Variants in MRPS9 observed in about 807,000 individuals in gnomAD.
MRPS9 encodes small ribosomal subunit protein uS9m.
Under a neutral mutation model 59.9 loss-of-function variants are expected in MRPS9, and 45 were observed. The ratio of observed to expected loss-of-function variants is 0.75; its 90% CI spans 0.59 to 0.96. The LOEUF (loss-of-function observed/expected upper bound fraction) is 0.96. Among genes scored for constraint, MRPS9 ranks in the 40% least tolerant of loss-of-function variants. The pLI, the probability that MRPS9 is intolerant of heterozygous loss-of-function variation, is 0.00. For missense variants in MRPS9, 473 were observed against 481.1 expected (o/e 0.98, Z 0.16); for synonymous variants, 171 against 166.8 (o/e 1.03, Z -0.19).
chr2:105,060,119 A>G, intron 2 of MRPS9, among the ~76,000 whole-genome samples: 1 of 150,524 alleles, frequency 6.6e-6, no homozygotes, highest in African/African-American at 2.4e-5. Flanking sequence ...TTCCCCAACC[A>G]CATCTTTGCC....
chr2:105,066,421 T>G (rs56111578), intron 2 of MRPS9, among the ~76,000 whole-genome samples: 32,918 of 152,150 alleles, frequency 0.22, 3,630 homozygotes, highest in Middle Eastern at 0.34. Flanking sequence ...TTAAAAGAGA[T>G]ATTGCCTGTA....
intron 9 of MRPS9, 101 bp from the exon 10 acceptor site, chr2:105,097,054 A>G (rs1680676138): frequency 8.2e-7 from 1 of 1,225,736 alleles, no homozygotes; most frequent in Non-Finnish European, 1.1e-6. Context: ...TAACAGTGGC[A>G]TGCAGAATAT....
intron 2 of MRPS9, among the ~76,000 whole-genome samples, chr2:105,062,094 G>A (rs1679917636): frequency 6.6e-6 from 1 of 152,056 alleles, no homozygotes; most frequent in African/African-American, 2.4e-5. Flanking sequence ...GAAGGCTTTT[G>A]TAATATTACT....
intron 7 of MRPS9, chr2:105,092,128 T>C (rs1680570431): frequency 3.3e-6 from 1 of 304,986 alleles, no homozygotes; most frequent in Non-Finnish European, 6.0e-6. Flanking sequence ...TGAATTTAAA[T>C]CTCAATTTCA....
At position 105,093,636 on chromosome 2, in the gene MRPS9, C is replaced by G. The variant is rs1200709932; in HGVS notation, c.927C>G (p.Asp309Glu). 6.4e-6 allele frequency: 10 copies of G among 1,571,842 alleles called. No homozygotes were observed. The highest frequency in any genetic ancestry group is 8.7e-6 in the Non-Finnish European group (10 of 1,155,772). ...AGCTTTACTTCCCGATCACACAGGA[C>G]AGGTTCGTTTTGGGTTCTGATTTTT... ...DYQLYFPITQ[D>E]REQLMFPFHF... is the part of the protein sequence containing the mutation. Residue 309 changes from aspartate to glutamate, a missense_variant and splice_region_variant, in exon 9 of 11, where the codon GAC becomes GAG. By Grantham distance (45) the Asp-to-Glu change is conservative. Transcript: ENST00000258455.
At chr2:105,040,260 A>G (rs13419511) in intron 1 of MRPS9, among the ~76,000 whole-genome samples, 61,354 of 151,916 alleles carry the variant, frequency 0.4, 12,417 homozygotes, top group African/African-American at 0.42. Context: ...TTGGTAGCCC[A>G]TGTTTTATAA....
chr2:105,049,226 C>G lies in MRPS9; in HGVS notation c.191C>G (p.Ser64Ter). The change falls in exon 2 of 11, where the codon TCA becomes TGA. Residue 64 changes from serine to a stop codon, truncating the protein, a stop_gained. Coordinates refer to ENST00000258455, the MANE Select transcript of MRPS9 (RefSeq NM_182640.3). LOFTEE classifies it high-confidence loss of function. ...ATACCAAAGAAAAACGTTCCTACCT[C>G]AAAACGTGAAACTTACACAGAGGAT... The part of the protein sequence containing the change: ...FVIPKKNVPT[S>*]KRETYTEDFI... 1 of 1,613,118 alleles carries G rather than the reference C, an allele frequency of 6.2e-7. No homozygotes were observed. The highest frequency in any genetic ancestry group is 8.5e-7 in the Non-Finnish European group (1 of 1,179,658).
intron 2 of MRPS9, among the ~76,000 whole-genome samples, chr2:105,065,977 T>C (rs1437185850): frequency 6.6e-6 from 1 of 152,100 alleles, no homozygotes; most frequent in Non-Finnish European, 1.5e-5. Context: ...GAAAAAAATC[T>C]GCATAGAATG....
intron 2 of MRPS9, among the ~76,000 whole-genome samples, chr2:105,066,622 C>T (rs1232078725): frequency 6.6e-5 from 10 of 152,074 alleles, no homozygotes; most frequent in Middle Eastern, 3.4e-3. Flanking sequence ...GAAATGTTGC[C>T]GATGACAGCT....
chr2:105,086,839 C>T (rs373269095), intron 5 of MRPS9, among the ~76,000 whole-genome samples: 1 of 152,032 alleles, frequency 6.6e-6, no homozygotes, highest in Non-Finnish European at 1.5e-5. Flanking sequence ...TGTGGTCCAG[C>T]CTGCTGACAG....
At chr2:105,055,821 C>A (rs926753023) in intron 2 of MRPS9, among the ~76,000 whole-genome samples, 4 of 152,092 alleles carry the variant, frequency 2.6e-5, no homozygotes, top group Non-Finnish European at 5.9e-5. Context: ...GTCAGCATTT[C>A]CATGCTGCAA....
intron 4 of MRPS9, among the ~76,000 whole-genome samples, chr2:105,075,586 A>G (rs953653887): frequency 2.0e-5 from 3 of 152,190 alleles, no homozygotes; most frequent in Admixed American, 6.5e-5. Flanking sequence ...GGGTCACACA[A>G]TTATCAAATC....
chr2:105,062,393 C>T (rs1300301240), intron 2 of MRPS9, among the ~76,000 whole-genome samples: 2 of 152,188 alleles, frequency 1.3e-5, no homozygotes, highest in African/African-American at 4.8e-5. Flanking sequence ...TACTGAGTTA[C>T]CCGTCCAAGC....
chr2:105,096,291 A>G (rs1680657233), intron 9 of MRPS9, among the ~76,000 whole-genome samples: 1 of 152,180 alleles, frequency 6.6e-6, no homozygotes, highest in Non-Finnish European at 1.5e-5. Flanking sequence ...TCTAGAAGCT[A>G]CAGCATCAAA....
chr2:105,097,003 A>T (rs894493692), intron 9 of MRPS9, 152 bp from the exon 10 acceptor site: 1 of 698,858 alleles, frequency 1.4e-6, no homozygotes. Flanking sequence ...TAGTGTTTCT[A>T]TATCTTGGTA....
intron 7 of MRPS9, among the ~76,000 whole-genome samples, chr2:105,090,620 C>A (rs1020097288): frequency 2.6e-5 from 4 of 152,184 alleles, no homozygotes; most frequent in Non-Finnish European, 5.9e-5. Context: ...AAGTTTGTGA[C>A]CCCCTGCTTT....
At chr2:105,042,964 A>C (rs1679526868) in intron 1 of MRPS9, among the ~76,000 whole-genome samples, 1 of 146,880 alleles carries the variant, frequency 6.8e-6, no homozygotes, top group Admixed American at 6.9e-5. Context: ...CTCCCCTCCC[A>C]CCCCCCAGAG....
chr2:105,048,172 TA>T (rs1182249364), intron 1 of MRPS9, among the ~76,000 whole-genome samples: 20 of 152,022 alleles, frequency 1.3e-4, no homozygotes, highest in East Asian at 1.9e-4. Flanking sequence ...TATGCAGCCA[TA>T]AAAAAATGAT....
intron 10 of MRPS9, among the ~76,000 whole-genome samples, chr2:105,097,952 C>T (rs1026911511): frequency 2.0e-5 from 3 of 152,186 alleles, no homozygotes; most frequent in African/African-American, 7.2e-5. Flanking sequence ...CTGCCTTGGC[C>T]TCCCAAAGCA....
Sources: gnomAD v4.1 joint callset for allele counts (sites outside exome capture counted in the v4.1 genomes callset) on GRCh38, gnomAD v4.1.1 for gene constraint, MANE v1.5 for transcripts, NCBI Gene and HGNC (gene_info 2026-07-23, HGNC 2026-07-21) for gene names.